Variants in ADAMTS20 observed in about 807,000 individuals in gnomAD.
The protein encoded by ADAMTS20 is ADAM metallopeptidase with thrombospondin type 1 motif 20.
Under a neutral mutation model 260.1 loss-of-function variants are expected in ADAMTS20, and 225 were observed. That is an observed-to-expected ratio of 0.87 (90% CI 0.78 to 0.97). The LOEUF is 0.97. Among genes scored for constraint, ADAMTS20 ranks in the 50% least tolerant of loss-of-function variants. The pLI, the probability that ADAMTS20 is intolerant of heterozygous loss-of-function variation, is 0.00. For missense variants in ADAMTS20, 2,400 were observed against 2,337.7 expected, an observed-to-expected ratio of 1.03 and a Z score of -0.55; for synonymous variants, 802 against 769.5, an observed-to-expected ratio of 1.04 and a Z score of -0.70.
At chr12:43,374,755 A>C (rs1428595590) in intron 36 of ADAMTS20, among the ~76,000 whole-genome samples, 6 of 152,154 alleles carry the variant, frequency 3.9e-5, no homozygotes, top group African/African-American at 1.4e-4. Context: ...ACTCTGCAAA[A>C]AGCTTCCACA....
At chr12:43,502,435 G>A (rs1486799573) in intron 3 of ADAMTS20, 30 bp from the exon 4 acceptor site, 2 of 1,553,048 alleles carry the variant, frequency 1.3e-6, no homozygotes, top group Non-Finnish European at 1.7e-6. Flanking sequence ...ATAATGCAGA[G>A]CCATTAAATT....
At chr12:43,457,456 C>G (rs1457135298) in intron 11 of ADAMTS20, among the ~76,000 whole-genome samples, 2 of 152,162 alleles carry the variant, frequency 1.3e-5, no homozygotes, top group East Asian at 1.9e-4. Context: ...TAGTCCAGAT[C>G]TCTCTCCTAA....
chr12:43,430,531 A>G (rs1941422844), intron 22 of ADAMTS20, 60 bp from the exon 23 acceptor site: 1 of 1,475,290 alleles, frequency 6.8e-7, no homozygotes. Context: ...ACAAACTTCT[A>G]TTTTCTTAAT....
At chr12:43,385,349 C>A (rs763478198) in intron 29 of ADAMTS20, among the ~76,000 whole-genome samples, 2 of 152,106 alleles carry the variant, frequency 1.3e-5, no homozygotes, top group Non-Finnish European at 2.9e-5. Flanking sequence ...TGGATATTAG[C>A]GCTTTGTCAC....
At chr12:43,385,912 T>C (rs545422394) in intron 29 of ADAMTS20, among the ~76,000 whole-genome samples, 1 of 152,334 alleles carries the variant, frequency 6.6e-6, no homozygotes, top group East Asian at 1.9e-4. Flanking sequence ...AATTTATTCA[T>C]TTCTTCGAGA....
At chr12:43,534,428 C>A (rs914788572) in intron 2 of ADAMTS20, among the ~76,000 whole-genome samples, 2 of 152,178 alleles carry the variant, frequency 1.3e-5, no homozygotes, top group African/African-American at 4.8e-5. Flanking sequence ...AACACATTAA[C>A]AATGTATTTG....
At chr12:43,373,748 C>G (rs59936865) in intron 36 of ADAMTS20, among the ~76,000 whole-genome samples, 5,801 of 132,758 alleles carry the variant, frequency 0.044, 356 homozygotes, top group African/African-American at 0.15. Flanking sequence ...GGCGCGATCT[C>G]GGCTCACTGC....
rs1001126218 is a variant in ADAMTS20 at position 43,511,271 on chromosome 12, A to G, written c.614-8866T>C. On this transcript the variant is annotated intron_variant, in intron 3 of 38. Transcript: ENST00000389420. ...CCCATTCATCCTTCATTTATGTCCA[A>G]AAAGATTCATTTTTAGAAACATTCC... Among the ~76,000 whole-genome samples, 3 of 152,066 alleles carry G rather than the reference A, an allele frequency of 2.0e-5. No homozygotes were observed. The East Asian group carries it at 5.8e-4, about 29-fold the overall frequency.
intron 18 of ADAMTS20, among the ~76,000 whole-genome samples, chr12:43,438,671 C>T (rs922966917): frequency 2.0e-5 from 3 of 152,180 alleles, no homozygotes; most frequent in Non-Finnish European, 2.9e-5. Flanking sequence ...CCTTTGGTCA[C>T]CGCCTCTTGC....
intron 29 of ADAMTS20, among the ~76,000 whole-genome samples, chr12:43,384,372 A>G (rs1262046533): frequency 6.6e-6 from 1 of 152,208 alleles, no homozygotes; most frequent in Non-Finnish European, 1.5e-5. Context: ...TCAAAGAAAC[A>G]ATAATTTCCA....
At chr12:43,404,447 C>T (rs1296977299) in intron 28 of ADAMTS20, among the ~76,000 whole-genome samples, 1 of 151,900 alleles carries the variant, frequency 6.6e-6, no homozygotes, top group Non-Finnish European at 1.5e-5. Flanking sequence ...AATGATCATC[C>T]TCAATTTTAG....
At chr12:43,517,396 T>TA (rs1380757834) in intron 3 of ADAMTS20, among the ~76,000 whole-genome samples, 1 of 151,976 alleles carries the variant, frequency 6.6e-6, no homozygotes, top group East Asian at 1.9e-4. Flanking sequence ...TTATATAGAA[T>TA]AAACAAAACA....
chr12:43,386,402 C>T (rs911877178), intron 29 of ADAMTS20, among the ~76,000 whole-genome samples: 1 of 152,196 alleles, frequency 6.6e-6, no homozygotes, highest in Non-Finnish European at 1.5e-5. Context: ...ACCATTCTCT[C>T]TGGCTGTCCT....
In ADAMTS20 at chr12:43,468,695, A is replaced by G. The variant is rs139744431; in HGVS notation, c.1128T>C (p.Tyr376=). The G allele has an allele frequency of 3.3e-5, 52 of 1,577,788 alleles. No individual in the cohort carries two copies. In the African/African-American group the frequency reaches 6.8e-4, roughly 21 times the overall value. ...GTAAAGGATCACATATGGTACCTAA[A>G]TATGATAAACCTGAAAAATTTCACA... ...KEKCNMLGLS[Y]LGTICDPLQS... is the part of the protein sequence containing the mutation. Residue 376 remains tyrosine, a synonymous_variant, in exon 8 of 39, where the codon TAT becomes TAC. Transcript: ENST00000389420.
At chr12:43,468,029 C>T (rs879917214) in intron 8 of ADAMTS20, among the ~76,000 whole-genome samples, 1 of 152,040 alleles carries the variant, frequency 6.6e-6, no homozygotes, top group East Asian at 1.9e-4. Context: ...TGAGAAATCA[C>T]GGCCTCTATT....
At chr12:43,477,800 G>T (rs1052276038) in intron 7 of ADAMTS20, among the ~76,000 whole-genome samples, 2 of 152,116 alleles carry the variant, frequency 1.3e-5, no homozygotes, top group East Asian at 1.9e-4. Flanking sequence ...AAGTAATATG[G>T]TCCAAAGAGT....
chr12:43,406,418 G>T (rs542184336), intron 28 of ADAMTS20, among the ~76,000 whole-genome samples: 1 of 152,112 alleles, frequency 6.6e-6, no homozygotes, highest in African/African-American at 2.4e-5. Flanking sequence ...TTCTTTAAAT[G>T]ATGTTTGAGT....
In ADAMTS20 at chr12:43,469,560, C is replaced by A. The variant is rs566295692; in HGVS notation, c.1118-855G>T. On this transcript the variant is annotated intron_variant, in intron 7 of 38. Coordinates refer to ENST00000389420, the MANE Select transcript of ADAMTS20 (RefSeq NM_025003.5). ...AGCTTAACATAATCCCATGATTTTG[C>A]TATTATTACCCTTCAATTTGGTTGT... 8.5e-5 allele frequency among the ~76,000 whole-genome samples: 13 copies of A among 152,186 alleles called. No homozygotes were observed. In the South Asian group the frequency reaches 2.5e-3, roughly 29 times the overall value.
intron 31 of ADAMTS20, 127 bp downstream of exon 31, chr12:43,383,431 A>G (rs778938039): frequency 1.0e-5 from 9 of 890,718 alleles, no homozygotes; most frequent in Admixed American, 2.9e-5. Context: ...CTCATTCCTT[A>G]GATTGATATG....
Sources: allele counts gnomAD v4.1 joint callset (sites outside exome capture counted in the v4.1 genomes callset), GRCh38; gene constraint gnomAD v4.1.1; transcripts MANE v1.5; gene names NCBI Gene and HGNC (gene_info 2026-07-23, HGNC 2026-07-21).